Variants in HES7 observed in about 807,000 individuals in gnomAD.
The protein encoded by HES7 is transcription factor HES-7.
In HES7, 8 loss-of-function variants were observed where a neutral mutation model predicts 18.0. That is an observed-to-expected ratio of 0.45 (90% CI 0.26 to 0.80). HES7 has a LOEUF of 0.80. HES7 is among the 30% of genes least tolerant of loss of function. The pLI is 0.18. For missense variants in HES7, 356 were observed against 340.9 expected (o/e 1.04, Z -0.35); for synonymous variants, 170 against 158.6 (o/e 1.07, Z -0.54).
Position 8,122,102 on chromosome 17 carries a change from G to T in HES7, c.227-65C>A. ...GCCCGGCAGGGGTGAGGGAAGGGGC[G>T]GGGCGCAGAGATACCAAGGCCGGAC... On this transcript the variant is annotated intron_variant, in intron 3 of 3. Transcript: ENST00000541682. This position sits in a 1 kb window ranked among gnomAD's most constrained non-coding sequence, Gnocchi z 6.9. 5 of 1,370,744 alleles carry T rather than the reference G, an allele frequency of 3.6e-6. No homozygotes were observed. The highest frequency in any genetic ancestry group is 4.8e-6 in the Non-Finnish European group (5 of 1,036,558). The allele number at this position is 1,370,744 out of a possible 1,614,324, so 84.9% of individuals were successfully genotyped here. A position where few individuals can be genotyped will look rare whatever the true frequency, so the allele number is the denominator to read the frequency against.
At position 8,122,429 on chromosome 17, in the gene HES7, T is replaced by G. The variant is rs1361717572; in HGVS notation, c.140A>C (p.Asn47Thr). ...LLLLERTRDQ[N>T]LRNPKLEKAE... The stretch of plus-strand genomic sequence containing the variant: ...TTTCTCCAGCTTCGGGTTCCGGAGG[T>G]TCTACAGACGGGAGGGGAGGGCGCA... The change falls in exon 3 of 4, where the codon AAC (asparagine) becomes ACC (threonine). Residue 47 changes from asparagine to threonine, a missense_variant and splice_region_variant. Asn to Thr is a moderately conservative substitution (Grantham distance 65). Transcript: ENST00000541682. The surrounding 1 kb of genome is among the most constrained non-coding windows in gnomAD (Gnocchi z 6.9). The G allele has an allele frequency of 6.3e-7, 1 of 1,577,206 alleles. No individual in the cohort carries two copies. Among genetic ancestry groups the G allele is most frequent in the Non-Finnish European group, 8.6e-7 (1 of 1,161,458 alleles).
At chr17:8,124,603 A>C (rs1981525048), upstream of HES7, among the ~76,000 whole-genome samples, 1 of 152,070 alleles carries the variant, frequency 6.6e-6, no homozygotes, top group Non-Finnish European at 1.5e-5. Flanking sequence ...GAGGTTGGAG[A>C]GGCGCTCTCT....
chr17:8,122,720 G>A lies in HES7; in HGVS notation c.139-290C>T, dbSNP rs914618419. On this transcript the variant is annotated intron_variant, in intron 2 of 3. Coordinates refer to ENST00000541682, the MANE Select transcript of HES7 (RefSeq NM_001165967.2). This position sits in a 1 kb window ranked among gnomAD's most constrained non-coding sequence, Gnocchi z 6.9. ...ATGAAATTAACCACCCGACATAACA[G>A]AGGCTGGCTCATCAGAGGCTGGCTG... Among the ~76,000 whole-genome samples the A allele has an allele frequency of 6.6e-6, 1 of 152,180 alleles. No homozygotes were observed. The highest frequency in any genetic ancestry group is 2.4e-5 in the African/African-American group (1 of 41,434).
At chr17:8,126,004 C>T (rs1287731030), upstream of HES7, among the ~76,000 whole-genome samples, 2 of 152,172 alleles carry the variant, frequency 1.3e-5, no homozygotes, top group African/African-American at 4.8e-5. Context: ...GCATGGGGGT[C>T]CTGCAGCCTC....
chr17:8,121,782 G>A lies in HES7; in HGVS notation c.482C>T (p.Pro161Leu). 1.9e-6 allele frequency: 3 copies of A among 1,545,582 alleles called. No homozygotes were observed. Among genetic ancestry groups the A allele is most frequent in the Non-Finnish European group, 2.6e-6 (3 of 1,158,180 alleles). Residue 161 changes from proline to leucine, a missense_variant, in exon 4 of 4, where the codon CCT becomes CTT. Coordinates refer to ENST00000541682, the MANE Select transcript of HES7 (RefSeq NM_001165967.2). ...SLDPAAPALG[P>L]ALHQRPPVHQ... ...CACTGGGGGGCGCTGGTGCAGCGCA[G>A]GGCCAAGGGCCGGTGCGGCGGGGTC...
upstream of HES7, among the ~76,000 whole-genome samples, chr17:8,124,533 G>C (rs771230960): frequency 6.6e-6 from 1 of 152,202 alleles, no homozygotes; most frequent in Non-Finnish European, 1.5e-5. Context: ...TCCTAGTCGA[G>C]ACAGGGAGCA....
At chr17:8,124,154 A>T, upstream of HES7, 1 of 1,591,818 alleles carries the variant, frequency 6.3e-7, no homozygotes, top group Middle Eastern at 1.7e-4. Context: ...GCCCAAGGGT[A>T]GGAGGGATAG....
upstream of HES7, chr17:8,124,218 C>G (rs573244161): frequency 9.6e-7 from 1 of 1,042,544 alleles, no homozygotes; most frequent in African/African-American, 1.6e-5. Context: ...GGACCCGGCA[C>G]GAGGCTCCCG....
At chr17:8,125,420 C>T (rs1285141882), upstream of HES7, among the ~76,000 whole-genome samples, 1 of 152,240 alleles carries the variant, frequency 6.6e-6, no homozygotes, top group East Asian at 1.9e-4. Context: ...ACCTCTCCGT[C>T]CTTCAGCCAA....
In HES7 at chr17:8,121,506, T is replaced by C; in HGVS notation, c.*65A>G. ...CTGCTCGCCCGGACGCCCGGGTCCC[T>C]CTGCTGCCCTCGGGCTGGAGTCTCT... On this transcript the variant is annotated 3_prime_UTR_variant, in exon 4 of 4. Coordinates refer to ENST00000541682, the MANE Select transcript of HES7 (RefSeq NM_001165967.2). The C allele has an allele frequency of 2.4e-6, 3 of 1,251,960 alleles. No homozygotes were observed. Among genetic ancestry groups the C allele is most frequent in the Non-Finnish European group, 3.0e-6 (3 of 996,708 alleles). The allele number at this position is 1,251,960 out of a possible 1,614,324, so 77.6% of individuals were successfully genotyped here.
Position 8,123,038 on chromosome 17 carries a change from CG to C in HES7, c.130del (p.Arg44GlyfsTer23). On this transcript the variant is annotated frameshift_variant, in exon 2 of 4. Coordinates refer to ENST00000541682, the MANE Select transcript of HES7 (RefSeq NM_001165967.2). LOFTEE classifies it high-confidence loss of function. This position sits in a 1 kb window ranked among gnomAD's most constrained non-coding sequence, Gnocchi z 5.9. ...ELRLLLLERT[R>X]DQNLRNPKLE... ...GCTAGCGGAGGGACTGACCTGGTCC[CG>C]GGTCCGCTCCAGCAGCAGCAGCCTC... 2 of 1,597,654 alleles carry C rather than the reference CG, an allele frequency of 1.3e-6. No homozygotes were observed. The highest frequency in any genetic ancestry group is 1.7e-6 in the Non-Finnish European group (2 of 1,172,260).
At chr17:8,125,904 C>G (rs542631551), upstream of HES7, among the ~76,000 whole-genome samples, 11 of 152,334 alleles carry the variant, frequency 7.2e-5, no homozygotes, top group African/African-American at 1.9e-4. Flanking sequence ...AATATTTCTA[C>G]CAAATATTAA....
In HES7 at chr17:8,122,357, C is replaced by A; in HGVS notation, c.212G>T (p.Arg71Leu). The change falls in exon 3 of 4, where the codon CGG becomes CTG. Residue 71 changes from arginine to leucine, a missense_variant. Transcript: ENST00000541682. The surrounding 1 kb of genome is among the most constrained non-coding windows in gnomAD (Gnocchi z 6.9). ...FAVGYLRERSRVEPPAAAAPG... is the reference protein window; with the variant it reads ...FAVGYLRERSLVEPPAAAAPG... ...CCGCGCTGTACCCGGGGGCTCCACCCGGCTTCGCTCCCTCAAGTAGCCCAC... is the reference window on the plus strand; with the variant it reads ...CCGCGCTGTACCCGGGGGCTCCACCAGGCTTCGCTCCCTCAAGTAGCCCAC... 6.3e-7 allele frequency: 1 copy of A among 1,593,658 alleles called. No individual in the cohort carries two copies. The highest frequency in any genetic ancestry group is 8.5e-7 in the Non-Finnish European group (1 of 1,170,366).
chr17:8,124,888 G>A (rs1981535779), upstream of HES7, among the ~76,000 whole-genome samples: 1 of 152,206 alleles, frequency 6.6e-6, no homozygotes, highest in Non-Finnish European at 1.5e-5. Context: ...AGGTATGAGT[G>A]GAGAGGTCTT....
rs1981415306 is a variant in HES7 at position 8,122,592 on chromosome 17, C to A, written c.139-162G>T. On this transcript the variant is annotated intron_variant, in intron 2 of 3. Transcript: ENST00000541682. The surrounding 1 kb of genome is among the most constrained non-coding windows in gnomAD (Gnocchi z 6.9). ...GCGACCAAATGCGGAGTGGAGATGA[C>A]CAAGGAAAGTCCTGGCCCACCCTGA... is the stretch of plus-strand genomic sequence containing the variant. Among the ~76,000 whole-genome samples the A allele has an allele frequency of 6.6e-6, 1 of 152,148 alleles. No homozygotes were observed. The highest frequency in any genetic ancestry group is 1.5e-5 in the Non-Finnish European group (1 of 68,036).
Position 8,123,228 on chromosome 17 carries a change from G to T in HES7, c.43-102C>A. 1 of 893,072 alleles carries T rather than the reference G, an allele frequency of 1.1e-6. No individual in the cohort carries two copies. Among genetic ancestry groups the T allele is most frequent in the South Asian group, 1.4e-5 (1 of 70,734 alleles). 55.3% of individuals were successfully genotyped at this position (893,072 alleles called of 1,614,324 possible). A position where few individuals can be genotyped will look rare whatever the true frequency, so the allele number is the denominator to read the frequency against. ...GCTGGGAGAGCCCGGCTTCCACCCC[G>T]GCCACAAGACCCCAGATTGCCTAGG... On this transcript the variant is annotated intron_variant, in intron 1 of 3. Coordinates refer to ENST00000541682, the MANE Select transcript of HES7 (RefSeq NM_001165967.2). The surrounding 1 kb of genome is among the most constrained non-coding windows in gnomAD (Gnocchi z 5.9).
chr17:8,124,371 A>G (rs1227999536), upstream of HES7, among the ~76,000 whole-genome samples: 1 of 152,116 alleles, frequency 6.6e-6, no homozygotes, highest in Non-Finnish European at 1.5e-5. Flanking sequence ...GGAGGAGGCT[A>G]TTGGGGCAGA....
chr17:8,123,140 G>A lies in HES7; in HGVS notation c.43-14C>T, dbSNP rs777996899. On this transcript the variant is annotated splice_polypyrimidine_tract_variant and intron_variant, in intron 1 of 3. Coordinates refer to ENST00000541682, the MANE Select transcript of HES7 (RefSeq NM_001165967.2). This position sits in a 1 kb window ranked among gnomAD's most constrained non-coding sequence, Gnocchi z 5.9. ...CGGCTTGAGCATCTGCGACCAGCGA[G>A]AAAAGGAGAGCGGGCCGACCAGACC... is the stretch of plus-strand genomic sequence containing the variant. 11 of 1,594,632 alleles carry A rather than the reference G, an allele frequency of 6.9e-6. No individual in the cohort carries two copies. In the South Asian group the frequency reaches 1.1e-4, roughly 16 times the overall value.
chr17:8,121,479 A>G lies in HES7; in HGVS notation c.*92T>C. The G allele has an allele frequency of 8.6e-7, 1 of 1,160,266 alleles. No homozygotes were observed. The highest frequency in any genetic ancestry group is 1.1e-6 in the Non-Finnish European group (1 of 914,026). The allele number at this position is 1,160,266 out of a possible 1,614,324, so 71.9% of individuals were successfully genotyped here. On this transcript the variant is annotated 3_prime_UTR_variant, in exon 4 of 4. Coordinates refer to ENST00000541682, the MANE Select transcript of HES7 (RefSeq NM_001165967.2). Reference sequence around the variant, plus strand: ...CGCGCGCCCCACTGCCCTCCCCAACACCTGCTCGCCCGGACGCCCGGGTCC... The same window carrying G: ...CGCGCGCCCCACTGCCCTCCCCAACGCCTGCTCGCCCGGACGCCCGGGTCC...
Sources: gnomAD v4.1 joint callset for allele counts (sites outside exome capture counted in the v4.1 genomes callset) on GRCh38, gnomAD v4.1.1 for gene constraint, Gnocchi (gnomAD v3.1) non-coding constraint, MANE v1.5 for transcripts, NCBI Gene and HGNC (gene_info 2026-07-23, HGNC 2026-07-21) for gene names.